Variants in PRKN observed in about 807,000 individuals in gnomAD.
PRKN encodes the protein parkin RBR E3 ubiquitin protein ligase.
PRKN carries 56 observed loss-of-function variants against 59.5 expected under a neutral mutation model. That is an observed-to-expected ratio of 0.94 (90% CI 0.76 to 1.18). The LOEUF is 1.18. PRKN is among the 50% of genes most tolerant of loss of function. PRKN has a pLI of 0.00. For synonymous variants in PRKN, 250 were observed against 222.1 expected, an observed-to-expected ratio of 1.13 and a Z score of -1.12; for missense variants, 657 against 596.4, an observed-to-expected ratio of 1.10 and a Z score of -1.06.
chr6:161,387,873 G>A (rs1451333891), intron 9 of PRKN, among the ~76,000 whole-genome samples: 3 of 152,204 alleles, frequency 2.0e-5, no homozygotes, highest in Non-Finnish European at 4.4e-5. Flanking sequence ...CTTACAAGAT[G>A]AGGAGATTAG....
chr6:162,636,705 C>G (rs1777726445), intron 1 of PRKN, among the ~76,000 whole-genome samples: 1 of 152,204 alleles, frequency 6.6e-6, no homozygotes, highest in Non-Finnish European at 1.5e-5. Flanking sequence ...AGCAAAACAA[C>G]TGGGCATGGT....
At chr6:162,351,254 T>TA (rs1026619464) in intron 2 of PRKN, among the ~76,000 whole-genome samples, 14 of 151,792 alleles carry the variant, frequency 9.2e-5, no homozygotes, top group African/African-American at 3.1e-4. Flanking sequence ...AACAACCCAA[T>TA]AAAAAAATGG....
intron 5 of PRKN, among the ~76,000 whole-genome samples, chr6:162,018,951 T>C (rs1783030852): frequency 6.6e-6 from 1 of 152,236 alleles, no homozygotes; most frequent in Non-Finnish European, 1.5e-5. Flanking sequence ...TATCACATCA[T>C]TCTTTGCCTA....
chr6:161,941,871 GATC>G (rs1272318139), intron 6 of PRKN, among the ~76,000 whole-genome samples: 1 of 152,094 alleles, frequency 6.6e-6, no homozygotes, highest in Admixed American at 6.5e-5. Context: ...ATAGAGGAAA[GATC>G]ATGTGAAAAA....
At chr6:161,956,612 G>A (rs944124128) in intron 6 of PRKN, among the ~76,000 whole-genome samples, 5 of 151,864 alleles carry the variant, frequency 3.3e-5, no homozygotes, top group African/African-American at 4.8e-5. Flanking sequence ...ATTTAGTAAG[G>A]GATACAACAA....
chr6:161,754,730 A>G (rs1444054213), intron 7 of PRKN, among the ~76,000 whole-genome samples: 1 of 152,212 alleles, frequency 6.6e-6, no homozygotes, highest in Admixed American at 6.5e-5. Context: ...GTAAACGAAT[A>G]TTCAATATCC....
intron 2 of PRKN, among the ~76,000 whole-genome samples, chr6:162,263,555 G>T (rs1416614885): frequency 1.3e-5 from 2 of 152,100 alleles, no homozygotes; most frequent in Non-Finnish European, 2.9e-5. Flanking sequence ...ATATTGACAC[G>T]TAGGAACAGA....
At chr6:162,607,851 G>A (rs897895698) in intron 1 of PRKN, among the ~76,000 whole-genome samples, 4 of 152,144 alleles carry the variant, frequency 2.6e-5, no homozygotes, top group Non-Finnish European at 5.9e-5. Flanking sequence ...CTGAGCAGGA[G>A]TCTGGAAAAG....
intron 1 of PRKN, among the ~76,000 whole-genome samples, chr6:162,463,935 T>G (rs544230502): frequency 3.3e-5 from 5 of 152,352 alleles, no homozygotes; most frequent in African/African-American, 1.2e-4. Flanking sequence ...TGTTGTTGTT[T>G]TTGGGGACTT....
In PRKN at chr6:161,573,757, TATATATATATA is replaced by T. The variant is rs1228042141; in HGVS notation, c.872-4352_872-4342del. ...AAAAAAAAAAAAAAAAAAAAAAAAA[TATATATATATA>T]TATATATATATATATATATATATAT... On this transcript the variant is annotated intron_variant, in intron 7 of 11. Coordinates refer to ENST00000366898, the MANE Select transcript of PRKN (RefSeq NM_004562.3). 1.1e-3 allele frequency among the ~76,000 whole-genome samples: 51 copies of T among 44,940 alleles called. 3 individuals are homozygous for T. Among genetic ancestry groups the T allele is most frequent in the South Asian group, 4.1e-3 (4 of 964 alleles). The allele number at this position is 44,940 out of a possible 152,430, so 29.5% of individuals were successfully genotyped here. A position where few individuals can be genotyped will look rare whatever the true frequency, so the allele number is the denominator to read the frequency against.
At chr6:161,720,946 G>A (rs1787195712) in intron 7 of PRKN, among the ~76,000 whole-genome samples, 1 of 152,114 alleles carries the variant, frequency 6.6e-6, no homozygotes, top group South Asian at 2.1e-4. Flanking sequence ...CGTTCATAAT[G>A]CAGACAGACT....
At chr6:162,675,113 C>A (rs1459806024) in intron 1 of PRKN, among the ~76,000 whole-genome samples, 2 of 142,344 alleles carry the variant, frequency 1.4e-5, no homozygotes, top group South Asian at 2.3e-4. Context: ...GTGGCGCGAT[C>A]TTGGCTCACT....
chr6:161,778,738 G>A (rs2128205166), intron 7 of PRKN, among the ~76,000 whole-genome samples: 1 of 152,212 alleles, frequency 6.6e-6, no homozygotes, highest in South Asian at 2.1e-4. Flanking sequence ...CACAGCACCA[G>A]GAGTGCACGA....
chr6:161,638,738 ATT>A (rs386409169), intron 7 of PRKN, among the ~76,000 whole-genome samples: 11 of 100,214 alleles, frequency 1.1e-4, no homozygotes, highest in Admixed American at 1.1e-4. Flanking sequence ...ACGAGATCTG[ATT>A]TTTTTTTTTT....
chr6:162,489,068 A>C (rs1792686244), intron 1 of PRKN, among the ~76,000 whole-genome samples: 1 of 135,340 alleles, frequency 7.4e-6, no homozygotes, highest in African/African-American at 2.9e-5. Context: ...TCCAGGGAGA[A>C]GGAGCTCACC....
intron 2 of PRKN, among the ~76,000 whole-genome samples, chr6:162,422,465 G>A (rs900513800): frequency 6.6e-6 from 1 of 152,158 alleles, no homozygotes; most frequent in African/African-American, 2.4e-5. Flanking sequence ...CTTGGGTCTT[G>A]CATGTAGAGC....
In PRKN at chr6:161,904,309, GT is replaced by G. The variant is rs1025317025; in HGVS notation, c.734+68992del. 7.0e-3 allele frequency among the ~76,000 whole-genome samples: 509 copies of G among 72,564 alleles called. 1 individual carries two copies. The highest frequency in any genetic ancestry group is 0.025 in the African/African-American group (379 of 15,202). 47.6% of individuals were successfully genotyped at this position (72,564 alleles called of 152,430 possible). A position where few individuals can be genotyped will look rare whatever the true frequency, so the allele number is the denominator to read the frequency against. ...GTTGGCTTGTTTTCGAATTTGTGGGGTTTTTTTTTTTTTTTTTTTTTTTTGA... is the reference window on the plus strand; with the variant it reads ...GTTGGCTTGTTTTCGAATTTGTGGGGTTTTTTTTTTTTTTTTTTTTTTTGA... On this transcript the variant is annotated intron_variant, in intron 6 of 11. Transcript: ENST00000366898.
chr6:162,225,642 C>T (rs534091424), intron 3 of PRKN, among the ~76,000 whole-genome samples: 3 of 152,222 alleles, frequency 2.0e-5, no homozygotes, highest in East Asian at 3.9e-4. Context: ...TCTCTGCACC[C>T]TCCATGGAGC....
At chr6:162,436,086 G>A (rs1005871102) in intron 2 of PRKN, among the ~76,000 whole-genome samples, 1 of 136,710 alleles carries the variant, frequency 7.3e-6, no homozygotes, top group African/African-American at 2.7e-5. Flanking sequence ...TGAGGCAGGA[G>A]AATCACTTGA....
Sources: allele counts gnomAD v4.1 joint callset (sites outside exome capture counted in the v4.1 genomes callset), GRCh38; gene constraint gnomAD v4.1.1; transcripts MANE v1.5; gene names NCBI Gene and HGNC (gene_info 2026-07-23, HGNC 2026-07-21).